SLC35D4: variants seen among roughly 807,000 people sequenced by gnomAD.
SLC35D4 encodes the protein UDP-N-acetylglucosamine transporter SLC35D4.
chr18:23,369,263 T>G, the SLC35D4 span, among the ~76,000 whole-genome samples: 1 of 152,216 alleles, frequency 6.6e-6, no homozygotes, highest in African/African-American at 2.4e-5. Flanking sequence ...AAGCCCCACA[T>G]TCTCAGAGTG....
At chr18:23,410,250 G>C in the SLC35D4 span, among the ~76,000 whole-genome samples, 94 of 151,082 alleles carry the variant, frequency 6.2e-4, no homozygotes, top group African/African-American at 2.3e-3. Context: ...GGAGGCCGAG[G>C]TGGGCGGATC....
the SLC35D4 span, among the ~76,000 whole-genome samples, chr18:23,408,492 T>C: frequency 6.6e-6 from 1 of 152,204 alleles, no homozygotes; most frequent in Non-Finnish European, 1.5e-5. Flanking sequence ...TGACCACAAC[T>C]GACATTTCTT....
chr18:23,413,108 A>G, the SLC35D4 span, among the ~76,000 whole-genome samples: 6 of 152,162 alleles, frequency 3.9e-5, no homozygotes, highest in Admixed American at 3.3e-4. Flanking sequence ...GGCTCAAGCA[A>G]TCTTCCTGCC....
the SLC35D4 span, among the ~76,000 whole-genome samples, chr18:23,283,722 T>C: frequency 6.6e-6 from 1 of 150,634 alleles, no homozygotes; most frequent in African/African-American, 2.4e-5. Context: ...GGCAGGAGAA[T>C]CACTTGAGCC....
chr18:23,406,261 C>T, the SLC35D4 span, among the ~76,000 whole-genome samples: 5 of 152,184 alleles, frequency 3.3e-5, no homozygotes, highest in South Asian at 2.1e-4. Flanking sequence ...AATAGCTCTA[C>T]GAGACAGAGA....
the SLC35D4 span, chr18:23,331,410 G>T: frequency 1.3e-5 from 2 of 152,078 alleles, no homozygotes; most frequent in Non-Finnish European, 2.9e-5. Context: ...ACCACCTGTA[G>T]TACAGGAGAC....
At chr18:23,324,603 C>A in the SLC35D4 span, among the ~76,000 whole-genome samples, 1 of 152,158 alleles carries the variant, frequency 6.6e-6, no homozygotes, top group Admixed American at 6.5e-5. Context: ...GCTGGGTTAG[C>A]TAAAGCAAAG....
chr18:23,284,349 AC>A, the SLC35D4 span, among the ~76,000 whole-genome samples: 34 of 152,262 alleles, frequency 2.2e-4, no homozygotes, highest in African/African-American at 7.9e-4. Flanking sequence ...CATCTACATA[AC>A]AAGAATCTGG....
At chr18:23,425,312 G>A in the SLC35D4 span, among the ~76,000 whole-genome samples, 11 of 152,114 alleles carry the variant, frequency 7.2e-5, no homozygotes, top group Admixed American at 7.2e-4. Flanking sequence ...TGTTGGCCAA[G>A]CTGGTCTCAA....
the SLC35D4 span, among the ~76,000 whole-genome samples, chr18:23,241,509 G>A: frequency 2.6e-5 from 4 of 152,148 alleles, 1 homozygote; most frequent in East Asian, 5.8e-4. Flanking sequence ...CAGCCTGGGC[G>A]ACAAGCGAAA....
At chr18:23,254,433 G>A in the SLC35D4 span, among the ~76,000 whole-genome samples, 1 of 152,178 alleles carries the variant, frequency 6.6e-6, no homozygotes, top group Non-Finnish European at 1.5e-5. Flanking sequence ...CTACATGAAT[G>A]CCTGTTTTAG....
chr18:23,249,844 C>T, the SLC35D4 span, among the ~76,000 whole-genome samples: 3 of 152,126 alleles, frequency 2.0e-5, no homozygotes, highest in Admixed American at 2.0e-4. Context: ...GCTGCTTATT[C>T]AGTACCATGA....
chr18:23,282,318 C>A, the SLC35D4 span, among the ~76,000 whole-genome samples: 115 of 152,304 alleles, frequency 7.6e-4, no homozygotes, highest in African/African-American at 2.7e-3. Flanking sequence ...GACTCCCCCC[C>A]AGTTGATCCT....
the SLC35D4 span, among the ~76,000 whole-genome samples, chr18:23,377,104 GCACC>G: frequency 2.0e-5 from 3 of 152,184 alleles, no homozygotes; most frequent in Admixed American, 6.5e-5. Context: ...CAGATGCAAG[GCACC>G]CAGGTTAGAA....
the SLC35D4 span, among the ~76,000 whole-genome samples, chr18:23,414,295 G>GAGGAAGCAAGGA: frequency 8.1e-6 from 1 of 124,048 alleles, no homozygotes; most frequent in East Asian, 2.5e-4. Context: ...AAAAGGAAAG[G>GAGGAAGCAAGGA]AGGAAGGAAG....
chr18:23,411,086 G>C, the SLC35D4 span, among the ~76,000 whole-genome samples: 1 of 151,632 alleles, frequency 6.6e-6, no homozygotes, highest in Non-Finnish European at 1.5e-5. Flanking sequence ...TGGGATCTCA[G>C]GTCTCTGTGG....
At chr18:23,257,137 A>G in the SLC35D4 span, 1 of 1,449,036 alleles carries the variant, frequency 6.9e-7, no homozygotes, top group East Asian at 2.3e-5. Flanking sequence ...CTGAGCACTC[A>G]CTGGCTGGTG....
chr18:23,308,876 C>CTCTCTCTGTGTG, the SLC35D4 span, among the ~76,000 whole-genome samples: 19 of 140,104 alleles, frequency 1.4e-4, no homozygotes, highest in South Asian at 4.3e-3. Context: ...CTCTCTCTCT[C>CTCTCTCTGTGTG]TGTGTGTGTG....
At chr18:23,327,616 G>A in the SLC35D4 span, among the ~76,000 whole-genome samples, 1 of 152,046 alleles carries the variant, frequency 6.6e-6, no homozygotes. Flanking sequence ...AATTCTACCA[G>A]AGGTACAAAG....
Sources: gnomAD v4.1 joint callset for allele counts (sites outside exome capture counted in the v4.1 genomes callset) on GRCh38, gnomAD v4.1.1 for gene constraint, MANE v1.5 for transcripts, NCBI Gene and HGNC (gene_info 2026-07-23, HGNC 2026-07-21) for gene names.